RRAGB: variants seen among roughly 807,000 people sequenced by gnomAD.
RRAGB encodes the protein Ras related GTP binding B, also known as ras-related GTP-binding protein B.
A neutral mutation model predicts 29.3 loss-of-function variants in RRAGB; 6 were observed. That is an observed-to-expected ratio of 0.21 (90% CI 0.11 to 0.40). The LOEUF is 0.40. Ranked by LOEUF, RRAGB falls within the 10% of genes least tolerant of loss-of-function variation. RRAGB has a pLI of 1.00. For synonymous variants in RRAGB, 101 were observed against 92.5 expected, an observed-to-expected ratio of 1.09 and a Z score of -0.53; for missense variants, 184 against 272.9, an observed-to-expected ratio of 0.67 and a Z score of 2.29.
chrX:55,755,558 T>C (rs1163122849), intron 7 of RRAGB: 27 of 738,137 alleles, frequency 3.7e-5, no homozygotes, highest in Non-Finnish European at 3.5e-5. Context: ...ATAAAATGAA[T>C]ATTTAGTGAT....
rs992617561 is a variant in RRAGB, at chrX:55,755,467, A to G, written c.736-374A>G. 6.7e-5 allele frequency: 50 copies of G among 742,793 alleles called. No homozygotes were observed. In the African/African-American group the frequency reaches 1.1e-3, roughly 17 times the overall value. 61.2% of individuals were successfully genotyped at this position (742,793 alleles called of 1,213,427 possible). Reference sequence around the variant, plus strand: ...AATTAAACACATGAAGTATACCTCAAGAACAGCTAGGAATTTTTATTTGTT... The same window carrying G: ...AATTAAACACATGAAGTATACCTCAGGAACAGCTAGGAATTTTTATTTGTT... On this transcript the variant is annotated intron_variant, in intron 7 of 9. Transcript: ENST00000374941.
At chrX:55,733,925 C>G (rs1374588264) in intron 5 of RRAGB, among the ~76,000 whole-genome samples, 1 of 68,706 alleles carries the variant, frequency 1.5e-5, no homozygotes, top group African/African-American at 3.5e-5. Context: ...TCTATCTGGT[C>G]CTGGGGTTTT....
intron 5 of RRAGB, among the ~76,000 whole-genome samples, chrX:55,736,110 G>A (rs1424742824): frequency 9.0e-6 from 1 of 111,717 alleles, no homozygotes; most frequent in African/African-American, 3.3e-5. Flanking sequence ...GAATCTCCTA[G>A]GAGTTCTTTG....
intron 2 of RRAGB, among the ~76,000 whole-genome samples, chrX:55,719,980 G>A (rs2033205809): frequency 8.9e-6 from 1 of 112,166 alleles, no homozygotes; most frequent in Non-Finnish European, 1.9e-5. Context: ...TTGTTGTGAC[G>A]TTTAAATTAG....
At chrX:55,733,945 T>C (rs1424280051) in intron 5 of RRAGB, among the ~76,000 whole-genome samples, 3 of 109,153 alleles carry the variant, frequency 2.7e-5, no homozygotes, top group African/African-American at 1.0e-4. Context: ...TTTTTTTTGG[T>C]TGGGAAATTT....
chrX:55,726,722 T>C (rs1014272810), intron 3 of RRAGB, among the ~76,000 whole-genome samples: 2 of 111,434 alleles, frequency 1.8e-5, no homozygotes, highest in Non-Finnish European at 3.8e-5. Context: ...TTCACTAAGA[T>C]AAGACTGAAA....
At chrX:55,731,171 G>A (rs2033665254) in intron 4 of RRAGB, among the ~76,000 whole-genome samples, 193 bp from the exon 5 acceptor site, 1 of 111,556 alleles carries the variant, frequency 9.0e-6, no homozygotes, top group South Asian at 3.8e-4. Flanking sequence ...GACACGCTCT[G>A]CAAACTTCTT....
intron 3 of RRAGB, chrX:55,727,167 G>T: frequency 2.0e-6 from 1 of 500,114 alleles, no homozygotes; most frequent in South Asian, 5.4e-5. Flanking sequence ...GTCACTTGAT[G>T]AGAATAATTT....
At chrX:55,725,948 T>C (rs1441013188) in intron 3 of RRAGB, among the ~76,000 whole-genome samples, 1 of 111,254 alleles carries the variant, frequency 9.0e-6, no homozygotes, top group Admixed American at 9.6e-5. Context: ...TTCTTTTTAG[T>C]TGTTCTTGTG....
At chrX:55,722,029 T>C (rs1266062112) in intron 2 of RRAGB, among the ~76,000 whole-genome samples, 157 bp from the exon 3 acceptor site, 1 of 112,530 alleles carries the variant, frequency 8.9e-6, no homozygotes, top group African/African-American at 3.2e-5. Context: ...TCACCCTTCG[T>C]TGGGAAGAGT....
At chrX:55,752,879 A>G (rs1300895916) in intron 6 of RRAGB, among the ~76,000 whole-genome samples, 1 of 111,695 alleles carries the variant, frequency 9.0e-6, no homozygotes, top group Admixed American at 9.5e-5. Flanking sequence ...TGATAATGCC[A>G]CTAGTTTCTC....
intron 2 of RRAGB, among the ~76,000 whole-genome samples, chrX:55,720,535 C>T (rs2033229060): frequency 9.0e-6 from 1 of 111,184 alleles, no homozygotes; most frequent in Non-Finnish European, 1.9e-5. Flanking sequence ...AACATAGGTT[C>T]CCTTCATTTG....
chrX:55,758,515 T>C lies in RRAGB; in HGVS notation c.*172T>C, dbSNP rs2034712440. ...TTAACTTAAATAGCCATTGAGGAGT[T>C]AGAAGATGAATTGTTCATGAAGTCG... On this transcript the variant is annotated 3_prime_UTR_variant, in exon 10 of 10. Transcript: ENST00000374941. The C allele has an allele frequency of 5.8e-6, 2 of 345,825 alleles. No homozygotes were observed. The highest frequency in any genetic ancestry group is 8.7e-5 in the East Asian group (2 of 22,879). The allele number at this position is 345,825 out of a possible 1,213,427, so 28.5% of individuals were successfully genotyped here. A position where few individuals can be genotyped will look rare whatever the true frequency, so the allele number is the denominator to read the frequency against.
chrX:55,749,411 G>T (rs1286701619), intron 5 of RRAGB, among the ~76,000 whole-genome samples: 38 of 102,428 alleles, frequency 3.7e-4, no homozygotes, highest in African/African-American at 1.2e-3. Flanking sequence ...GGAGGGAGGT[G>T]GGGGGGTCAG....
intron 6 of RRAGB, 92 bp downstream of exon 6, chrX:55,751,288 A>C: frequency 2.1e-6 from 1 of 467,688 alleles, no homozygotes; most frequent in Non-Finnish European, 3.5e-6. Flanking sequence ...AAACTATTTC[A>C]TAGCCATCTA....
chrX:55,735,402 A>C (rs1258888889), intron 5 of RRAGB, among the ~76,000 whole-genome samples: 1 of 111,539 alleles, frequency 9.0e-6, no homozygotes, highest in African/African-American at 3.3e-5. Flanking sequence ...ACTGTTGTTG[A>C]TTTAAAGTCT....
At position 55,747,451 on chromosome X, in the gene RRAGB, G is replaced by A. The variant is rs1341337135; in HGVS notation, c.517-3650G>A. Reference sequence around the variant, plus strand: ...TAGGGGGTAAGAGTTTTTTTTCAGGGCAGTCATAGAAACTTTGTGGTCGTT... The same window carrying A: ...TAGGGGGTAAGAGTTTTTTTTCAGGACAGTCATAGAAACTTTGTGGTCGTT... On this transcript the variant is annotated intron_variant, in intron 5 of 9. Transcript: ENST00000374941. 3.6e-5 allele frequency among the ~76,000 whole-genome samples: 4 copies of A among 111,285 alleles called. No individual in the cohort carries two copies. In the Admixed American group the frequency reaches 3.8e-4, roughly 11 times the overall value.
At chrX:55,740,767 A>C (rs995248679) in intron 5 of RRAGB, among the ~76,000 whole-genome samples, 5 of 111,608 alleles carry the variant, frequency 4.5e-5, no homozygotes, top group African/African-American at 1.6e-4. Flanking sequence ...TTTGCTGAGC[A>C]TATTTATCAT....
chrX:55,730,305 C>T (rs2033632701), intron 4 of RRAGB, among the ~76,000 whole-genome samples: 1 of 112,278 alleles, frequency 8.9e-6, no homozygotes, highest in Admixed American at 9.4e-5. Flanking sequence ...TAGCACATAT[C>T]TCCATACAAA....
Sources: gnomAD v4.1 joint callset for allele counts (sites outside exome capture counted in the v4.1 genomes callset) on GRCh38, gnomAD v4.1.1 for gene constraint, MANE v1.5 for transcripts, NCBI Gene and HGNC (gene_info 2026-07-23, HGNC 2026-07-21) for gene names.